Variants in TTF2 observed in about 807,000 individuals in gnomAD.
TTF2 encodes the protein transcription termination factor 2, also known as RNA polymerase II termination factor.
Under a neutral mutation model 142.4 loss-of-function variants are expected in TTF2, and 108 were observed. That is an observed-to-expected ratio of 0.76 (90% CI 0.65 to 0.89). The LOEUF (loss-of-function observed/expected upper bound fraction) is 0.89. TTF2 is among the 40% of genes least tolerant of loss of function. The pLI is 0.00. For missense variants in TTF2, 1,327 were observed against 1,379.8 expected (o/e 0.96, Z 0.61); for synonymous variants, 483 against 506.2 (o/e 0.95, Z 0.61).
chr1:117,092,956 C>A lies in TTF2; in HGVS notation c.2976+55C>A, dbSNP rs1167338962. On this transcript the variant is annotated intron_variant, in intron 18 of 22. Coordinates refer to ENST00000369466, the MANE Select transcript of TTF2 (RefSeq NM_003594.4). The surrounding 1 kb of genome is among the most constrained non-coding windows in gnomAD (Gnocchi z 4.4). ...GAGACTTCGATTCCTCACACATTTT[C>A]CTGTGTGACAGCACTTCATTTGTCC... 2.5e-6 allele frequency: 4 copies of A among 1,588,118 alleles called. No individual in the cohort carries two copies. In the Admixed American group the frequency reaches 6.8e-5, roughly 27 times the overall value.
In TTF2 at chr1:117,073,671, C is replaced by G. The variant is rs770252707; in HGVS notation, c.229C>G (p.Arg77Gly). 6.2e-7 allele frequency: 1 copy of G among 1,608,638 alleles called. No individual in the cohort carries two copies. The change falls in exon 4 of 23, where the codon CGA (arginine) becomes GGA (glycine). Residue 77 changes from arginine to glycine, a missense_variant. Arg to Gly is a moderately radical substitution (Grantham distance 125, BLOSUM62 -2). Coordinates refer to ENST00000369466, the MANE Select transcript of TTF2 (RefSeq NM_003594.4). The surrounding 1 kb of genome is among the most constrained non-coding windows in gnomAD (Gnocchi z 4.4). ...QDKKEYRLFF[R>G]CIRSKAEGKR... ...TTTATACTTCATTAGATTGTTCTTC[C>G]GATGCATTAGAAGTAAGGCAGAGGG...
chr1:117,089,941 T>C, intron 13 of TTF2, 114 bp from the exon 14 acceptor site: 1 of 1,230,352 alleles, frequency 8.1e-7, no homozygotes, highest in Admixed American at 2.3e-5. Context: ...AGTGATTGGA[T>C]GACAGGTGTA....
Position 117,090,687 on chromosome 1 carries a change from G to A in TTF2, c.2588+64G>A, listed in dbSNP as rs1369046973. On this transcript the variant is annotated intron_variant, in intron 15 of 22. Transcript: ENST00000369466. The surrounding 1 kb of genome is among the most constrained non-coding windows in gnomAD (Gnocchi z 4.8). ...TTTATTCCTGTCTTTTCTTGGGAGTGAGTTGAAGGTCAAATTTCCACAAAC... is the reference window on the plus strand; with the variant it reads ...TTTATTCCTGTCTTTTCTTGGGAGTAAGTTGAAGGTCAAATTTCCACAAAC... The A allele has an allele frequency of 1.5e-6, 2 of 1,374,290 alleles. No individual in the cohort carries two copies. Among genetic ancestry groups the A allele is most frequent in the African/African-American group, 1.5e-5 (1 of 68,730 alleles). The allele number at this position is 1,374,290 out of a possible 1,614,324, so 85.1% of individuals were successfully genotyped here.
At position 117,062,386 on chromosome 1, in the gene TTF2, G is replaced by C; in HGVS notation, c.132-1G>C. The C allele has an allele frequency of 1.2e-6, 2 of 1,611,688 alleles. No individual in the cohort carries two copies. The highest frequency in any genetic ancestry group is 1.7e-6 in the Non-Finnish European group (2 of 1,179,224). ...GTTTTCAACTTTTTTCTTTTCTCTA[G>C]CATTCCTGTTTCCCATTGCTTATTG... On this transcript the variant is annotated splice_acceptor_variant, in intron 2 of 22. Transcript: ENST00000369466. LOFTEE classifies it high-confidence loss of function.
Position 117,075,332 on chromosome 1 carries a change from GA to G in TTF2, c.750del (p.Glu250AspfsTer5). The G allele has an allele frequency of 6.2e-7, 1 of 1,614,168 alleles. No individual in the cohort carries two copies. The highest frequency in any genetic ancestry group is 8.5e-7 in the Non-Finnish European group (1 of 1,180,042). On this transcript the variant is annotated frameshift_variant, in exon 5 of 23. Coordinates refer to ENST00000369466, the MANE Select transcript of TTF2 (RefSeq NM_003594.4). LOFTEE classifies it high-confidence loss of function. The surrounding 1 kb of genome is among the most constrained non-coding windows in gnomAD (Gnocchi z 4.5). ...SSGKSQDVQR[E>X]SEPLREKVTQ... The stretch of plus-strand genomic sequence containing the variant: ...TGGTAAGAGTCAAGATGTCCAAAGA[GA>G]ATCAGAACCTCTGAGAGAAAAGGTT...
chr1:117,090,511 C>CTTTTTTTT lies in TTF2; in HGVS notation c.2497-18_2497-11dup. ...GTTAATTTGTATAGCTTCATGCCAG[C>CTTTTTTTT]TTTTTTTTTTATTCTTCCAGGTGAT... On this transcript the variant is annotated intron_variant, in intron 14 of 22. Coordinates refer to ENST00000369466, the MANE Select transcript of TTF2 (RefSeq NM_003594.4). This position sits in a 1 kb window ranked among gnomAD's most constrained non-coding sequence, Gnocchi z 4.8. 7.7e-7 allele frequency: 1 copy of CTTTTTTTT among 1,297,768 alleles called. No homozygotes were observed. Among genetic ancestry groups the CTTTTTTTT allele is most frequent in the African/African-American group, 1.5e-5 (1 of 66,672 alleles). The allele number at this position is 1,297,768 out of a possible 1,614,324, so 80.4% of individuals were successfully genotyped here.
chr1:117,074,934 A>G lies in TTF2; in HGVS notation c.350A>G (p.His117Arg), dbSNP rs768472672. The change falls in exon 5 of 23, where the codon CAT becomes CGT. Residue 117 changes from histidine to arginine, a missense_variant. By Grantham distance (29) the His-to-Arg change is conservative (BLOSUM62 0). Transcript: ENST00000369466. ...KSQHASETFHHSSNWLRNPFK... is the reference protein window; with the variant it reads ...KSQHASETFHRSSNWLRNPFK... ...CAGCATGCATCTGAGACATTTCATC[A>G]TTCTTCCAACTGGCTGAGAAATCCA... The G allele has an allele frequency of 1.9e-6, 3 of 1,613,662 alleles. No homozygotes were observed. The highest frequency in any genetic ancestry group is 4.5e-5 in the East Asian group (2 of 44,880).
In TTF2 at chr1:117,079,898, A is replaced by G. The variant is rs1420846010; in HGVS notation, c.1783+249A>G. 6.6e-6 allele frequency among the ~76,000 whole-genome samples: 1 copy of G among 151,770 alleles called. No individual in the cohort carries two copies. On this transcript the variant is annotated intron_variant, in intron 9 of 22. Coordinates refer to ENST00000369466, the MANE Select transcript of TTF2 (RefSeq NM_003594.4). This position sits in a 1 kb window ranked among gnomAD's most constrained non-coding sequence, Gnocchi z 4.2. ...GGCTGATTAAAGAGAGGAGGAGTTT[A>G]TTTTTTGGTGGCTCCCACAATCTCT...
At position 117,087,671 on chromosome 1, in the gene TTF2, T is replaced by C. The variant is rs566352939; in HGVS notation, c.2161-1130T>C. Among the ~76,000 whole-genome samples the C allele has an allele frequency of 6.6e-5, 10 of 152,290 alleles. No individual in the cohort carries two copies. Among genetic ancestry groups the C allele is most frequent in the African/African-American group, 2.4e-4 (10 of 41,550 alleles). On this transcript the variant is annotated intron_variant, in intron 12 of 22. Coordinates refer to ENST00000369466, the MANE Select transcript of TTF2 (RefSeq NM_003594.4). The surrounding 1 kb of genome is among the most constrained non-coding windows in gnomAD (Gnocchi z 4.8). ...ACACCCTGCCCCTCCCTGGGGCACC[T>C]CTTGCTCAGTCATACCAAGGGATCT...
intron 3 of TTF2, among the ~76,000 whole-genome samples, chr1:117,071,144 G>C (rs1656540917): frequency 6.6e-6 from 1 of 151,978 alleles, no homozygotes; most frequent in African/African-American, 2.4e-5. Flanking sequence ...CATAACATGA[G>C]AAATAAGGAG....
intron 7 of TTF2, among the ~76,000 whole-genome samples, chr1:117,077,028 TATA>T (rs1657067530): frequency 6.6e-6 from 1 of 152,206 alleles, no homozygotes; most frequent in South Asian, 2.1e-4. Flanking sequence ...AGTATATTCT[TATA>T]ATTCTTCTAT....
rs888234022 is a variant in TTF2 at position 117,086,087 on chromosome 1, C to T, written c.2055-330C>T. On this transcript the variant is annotated intron_variant, in intron 11 of 22. Coordinates refer to ENST00000369466, the MANE Select transcript of TTF2 (RefSeq NM_003594.4). This position sits in a 1 kb window ranked among gnomAD's most constrained non-coding sequence, Gnocchi z 4.2. ...TCCCAACTCTATCCTACTTTCTGTT[C>T]TGGCCAGATCATATTAAGCATTATA... is the stretch of plus-strand genomic sequence containing the variant. Among the ~76,000 whole-genome samples the T allele has an allele frequency of 6.6e-6, 1 of 152,208 alleles. No individual in the cohort carries two copies. Among genetic ancestry groups the T allele is most frequent in the South Asian group, 2.1e-4 (1 of 4,830 alleles).
Position 117,084,166 on chromosome 1 carries a change from A to T in TTF2, c.2052A>T (p.Arg684Ser). Residue 684 changes from arginine to serine, a missense_variant and splice_region_variant, in exon 11 of 23, where the codon AGA (arginine) becomes AGT (serine). Coordinates refer to ENST00000369466, the MANE Select transcript of TTF2 (RefSeq NM_003594.4). ...YHGPNRDSRA[R>S]VLSTYDIVIT... is the part of the protein sequence containing the mutation. Reference sequence around the variant, plus strand: ...GGCCAAACCGGGATTCACGTGCCAGAGTGTAAGTGCAGGAATACGCAGTTG... The same window carrying T: ...GGCCAAACCGGGATTCACGTGCCAGTGTGTAAGTGCAGGAATACGCAGTTG... The T allele has an allele frequency of 6.2e-7, 1 of 1,614,190 alleles. No homozygotes were observed. Among genetic ancestry groups the T allele is most frequent in the Non-Finnish European group, 8.5e-7 (1 of 1,180,024 alleles).
chr1:117,066,405 G>A (rs970399739), intron 3 of TTF2, among the ~76,000 whole-genome samples: 1 of 152,154 alleles, frequency 6.6e-6, no homozygotes, highest in Non-Finnish European at 1.5e-5. Flanking sequence ...AAAGAGCACT[G>A]ATGAGATGTA....
At chr1:117,094,690 C>G in intron 18 of TTF2, 2 of 481,400 alleles carry the variant, frequency 4.2e-6, no homozygotes, top group South Asian at 1.5e-5. Context: ...ACTCACAGCC[C>G]CTCACACATG....
At chr1:117,095,525 G>A (rs550440105) in intron 19 of TTF2, among the ~76,000 whole-genome samples, 158 bp downstream of exon 19, 50 of 152,178 alleles carry the variant, frequency 3.3e-4, no homozygotes, top group Non-Finnish European at 6.5e-4. Context: ...AATATTTGTG[G>A]TACAAATTGA....
In TTF2 at chr1:117,092,755, G is replaced by T; in HGVS notation, c.2830G>T (p.Gly944Cys). 1 of 1,614,122 alleles carries T rather than the reference G, an allele frequency of 6.2e-7. No individual in the cohort carries two copies. Among genetic ancestry groups the T allele is most frequent in the Non-Finnish European group, 8.5e-7 (1 of 1,180,014 alleles). The change falls in exon 18 of 23, where the codon GGT becomes TGT. Residue 944 changes from glycine (G) to cysteine (C), a missense_variant. Physicochemically the swap from Gly to Cys is radical, Grantham distance 159. Coordinates refer to ENST00000369466, the MANE Select transcript of TTF2 (RefSeq NM_003594.4). The surrounding 1 kb of genome is among the most constrained non-coding windows in gnomAD (Gnocchi z 4.4). Reference sequence around the variant, plus strand: ...GGCCCTGGATCCAATGGAACTGAAGGGTGAAGGTCTTGTCCTTTCCCTGGA... The same window carrying T: ...GGCCCTGGATCCAATGGAACTGAAGTGTGAAGGTCTTGTCCTTTCCCTGGA... ...KSALDPMELKGEGLVLSLEEQ... is the reference protein window; with the variant it reads ...KSALDPMELKCEGLVLSLEEQ...
At position 117,102,794 on chromosome 1, in the gene TTF2, T is replaced by C. The variant is rs1350476101; in HGVS notation, c.*1270T>C. 1.3e-5 allele frequency: 2 copies of C among 152,234 alleles called. No homozygotes were observed. Among genetic ancestry groups the C allele is most frequent in the Non-Finnish European group, 2.9e-5 (2 of 68,044 alleles). The allele number at this position is 152,234 out of a possible 1,614,324, so 9.4% of individuals were successfully genotyped here. A position where few individuals can be genotyped will look rare whatever the true frequency, so the allele number is the denominator to read the frequency against. On this transcript the variant is annotated 3_prime_UTR_variant, in exon 23 of 23. Coordinates refer to ENST00000369466, the MANE Select transcript of TTF2 (RefSeq NM_003594.4). ...AATCCAATACTAATAATACTATTGGTACAATCCAATACTAATAATACTAAC... is the reference window on the plus strand; with the variant it reads ...AATCCAATACTAATAATACTATTGGCACAATCCAATACTAATAATACTAAC...
At position 117,087,118 on chromosome 1, in the gene TTF2, T is replaced by C. The variant is rs1302833108; in HGVS notation, c.2160+596T>C. 6.6e-6 allele frequency among the ~76,000 whole-genome samples: 1 copy of C among 152,204 alleles called. No individual in the cohort carries two copies. Among genetic ancestry groups the C allele is most frequent in the Non-Finnish European group, 1.5e-5 (1 of 68,036 alleles). ...CCCAAGAACTCATTTTTCTATATGT[T>C]ATCCTTTTAGCCCAACGGGATATTC... On this transcript the variant is annotated intron_variant, in intron 12 of 22. Transcript: ENST00000369466. The surrounding 1 kb of genome is among the most constrained non-coding windows in gnomAD (Gnocchi z 4.8).
Sources: allele counts gnomAD v4.1 joint callset (sites outside exome capture counted in the v4.1 genomes callset), GRCh38; gene constraint gnomAD v4.1.1; non-coding constraint Gnocchi (gnomAD v3.1); transcripts MANE v1.5; gene names NCBI Gene and HGNC (gene_info 2026-07-23, HGNC 2026-07-21).